Variants in FMN2 observed in about 807,000 individuals in gnomAD.
FMN2 encodes formin 2, also known as formin-2.
In FMN2, 51 loss-of-function variants were observed where a neutral mutation model predicts 142.3. The ratio of observed to expected loss-of-function variants is 0.36; its 90% CI spans 0.29 to 0.45. The LOEUF is 0.45. Among genes scored for constraint, FMN2 ranks in the 20% least tolerant of loss-of-function variants. FMN2 has a pLI of 1.00. For missense variants in FMN2, 1,936 were observed against 2,122.8 expected, an observed-to-expected ratio of 0.91 and a Z score of 1.73; for synonymous variants, 882 against 869.8, an observed-to-expected ratio of 1.01 and a Z score of -0.25.
At chr1:240,104,834 T>C (rs1298232353) in intron 1 of FMN2, among the ~76,000 whole-genome samples, 1 of 152,142 alleles carries the variant, frequency 6.6e-6, no homozygotes, top group Non-Finnish European at 1.5e-5. Context: ...GTGTGAGTAA[T>C]GTTCCCCTAG....
rs774306832 is a variant in FMN2 at position 240,208,536 on chromosome 1, G to T, written c.3724G>T (p.Gly1242Cys). The T allele has an allele frequency of 6.2e-7, 1 of 1,613,078 alleles. No homozygotes were observed. The change falls in exon 5 of 18, where the codon GGC (glycine) becomes TGC (cysteine). Residue 1242 changes from glycine (G) to cysteine (C), a missense_variant. Physicochemically the swap from Gly to Cys is radical, Grantham distance 159. Coordinates refer to ENST00000319653, the MANE Select transcript of FMN2 (RefSeq NM_020066.5). ...IPPPPLLPVSGPPLLPQVGSS... is the reference protein window; with the variant it reads ...IPPPPLLPVSCPPLLPQVGSS... ...ACCGCCCCCTCTGCTTCCTGTATCA[G>T]GCCCTCCACTCCTCCCACAAGTTGG...
chr1:240,128,640 C>T (rs748831391), intron 2 of FMN2, among the ~76,000 whole-genome samples: 2 of 152,036 alleles, frequency 1.3e-5, no homozygotes, highest in Non-Finnish European at 2.9e-5. Context: ...AAATGGACAT[C>T]GGTTTGGATG....
rs1439561841 is a variant in FMN2 at position 240,392,577 on chromosome 1, T to C, written c.4910+15T>C. 6.2e-7 allele frequency: 1 copy of C among 1,600,368 alleles called. No homozygotes were observed. The highest frequency in any genetic ancestry group is 8.5e-7 in the Non-Finnish European group (1 of 1,172,418). On this transcript the variant is annotated intron_variant, in intron 15 of 17. Transcript: ENST00000319653. ...ACTCATAAATGGTGAGAAATTACTT[T>C]ATTTCCTCCCAGAATAGCGTTATAA...
chr1:240,106,624 G>A (rs776231650), intron 1 of FMN2, among the ~76,000 whole-genome samples: 24 of 151,900 alleles, frequency 1.6e-4, no homozygotes, highest in Non-Finnish European at 3.1e-4. Context: ...TCTACATCCT[G>A]TTAAAATATA....
At chr1:240,137,710 T>C (rs1663002948) in intron 2 of FMN2, among the ~76,000 whole-genome samples, 1 of 152,092 alleles carries the variant, frequency 6.6e-6, no homozygotes, top group Admixed American at 6.6e-5. Flanking sequence ...TAAAGGGTGA[T>C]AGAAGAGTTT....
intron 1 of FMN2, among the ~76,000 whole-genome samples, chr1:240,114,301 C>T (rs1661933667): frequency 6.6e-6 from 1 of 152,176 alleles, no homozygotes; most frequent in Non-Finnish European, 1.5e-5. Context: ...ACTAGTCCAT[C>T]CTCAGAACTC....
At chr1:240,138,234 G>A (rs966248588) in intron 2 of FMN2, among the ~76,000 whole-genome samples, 3 of 151,936 alleles carry the variant, frequency 2.0e-5, no homozygotes, top group Non-Finnish European at 2.9e-5. Flanking sequence ...GGTCAGTCGC[G>A]TGTTTTAGAG....
At chr1:240,348,477 C>T (rs1233123108) in intron 13 of FMN2, among the ~76,000 whole-genome samples, 1 of 151,812 alleles carries the variant, frequency 6.6e-6, no homozygotes, top group Non-Finnish European at 1.5e-5. Flanking sequence ...CCCACCTTGG[C>T]CTCCCAAAGT....
At chr1:240,418,762 T>C (rs1400914071) in intron 15 of FMN2, among the ~76,000 whole-genome samples, 4 of 152,236 alleles carry the variant, frequency 2.6e-5, no homozygotes. Flanking sequence ...AAATATTCAG[T>C]ATCTTTCCTG....
chr1:240,308,529 C>CGG (rs775993475), intron 8 of FMN2, among the ~76,000 whole-genome samples: 4 of 152,124 alleles, frequency 2.6e-5, no homozygotes, highest in Middle Eastern at 3.4e-3. Context: ...GGGACGAGGA[C>CGG]GGGGCTTTAC....
chr1:240,369,594 A>G (rs560523711), intron 14 of FMN2, among the ~76,000 whole-genome samples: 12 of 152,268 alleles, frequency 7.9e-5, no homozygotes, highest in African/African-American at 2.9e-4. Flanking sequence ...ATATCTTTAT[A>G]TCAAGCCTGT....
At chr1:240,310,449 G>C (rs1416215116) in intron 8 of FMN2, among the ~76,000 whole-genome samples, 1 of 152,126 alleles carries the variant, frequency 6.6e-6, no homozygotes, top group Non-Finnish European at 1.5e-5. Flanking sequence ...ATCTTGGTTA[G>C]CCTCCAAATC....
At chr1:240,472,483 T>G in intron 17 of FMN2, 30 bp downstream of exon 17, 1 of 1,446,412 alleles carries the variant, frequency 6.9e-7, no homozygotes, top group Non-Finnish European at 9.6e-7. Context: ...AACTTGTTAT[T>G]TTCTTTGGCT....
At chr1:240,170,926 G>A (rs1664677180) in intron 2 of FMN2, 8 of 791,936 alleles carry the variant, frequency 1.0e-5, no homozygotes, top group South Asian at 8.0e-5. Flanking sequence ...CATCCAGGAA[G>A]TGCTCATTGA....
chr1:240,118,794 G>A (rs1166037957), intron 1 of FMN2, among the ~76,000 whole-genome samples: 1 of 152,148 alleles, frequency 6.6e-6, no homozygotes, highest in Non-Finnish European at 1.5e-5. Context: ...AGAATGATAG[G>A]AGCAGAGGTG....
At chr1:240,213,957 C>T (rs929721693) in intron 6 of FMN2, among the ~76,000 whole-genome samples, 1 of 152,214 alleles carries the variant, frequency 6.6e-6, no homozygotes, top group African/African-American at 2.4e-5. Flanking sequence ...TCTCTGGATG[C>T]TCAGACTGAT....
intron 3 of FMN2, among the ~76,000 whole-genome samples, chr1:240,184,948 T>TC (rs150876511): frequency 0.028 from 2,040 of 71,698 alleles, 51 homozygotes; most frequent in Middle Eastern, 0.054. Context: ...TCCTATACCT[T>TC]CCCCTTCTCT....
At chr1:240,293,642 T>C (rs752073344) in intron 7 of FMN2, among the ~76,000 whole-genome samples, 3 of 152,198 alleles carry the variant, frequency 2.0e-5, no homozygotes. Flanking sequence ...TTATATGGTC[T>C]AATGAATAAG....
At chr1:240,164,844 T>G (rs1664414071) in intron 2 of FMN2, among the ~76,000 whole-genome samples, 1 of 152,204 alleles carries the variant, frequency 6.6e-6, no homozygotes, top group African/African-American at 2.4e-5. Context: ...TTCTTTCATT[T>G]TATGTTTTCA....
Sources: allele counts gnomAD v4.1 joint callset (sites outside exome capture counted in the v4.1 genomes callset), GRCh38; gene constraint gnomAD v4.1.1; transcripts MANE v1.5; gene names NCBI Gene and HGNC (gene_info 2026-07-23, HGNC 2026-07-21).